RAD52: variants seen among roughly 807,000 people sequenced by gnomAD.
RAD52 encodes the protein DNA repair protein RAD52 homolog.
In RAD52, 47 loss-of-function variants were observed where a neutral mutation model predicts 55.5. The ratio of observed to expected loss-of-function variants is 0.85; its 90% CI spans 0.67 to 1.08. The LOEUF is 1.08. RAD52 is among the 50% of genes least tolerant of loss of function. The pLI is 0.00. For synonymous variants in RAD52, 184 were observed against 198.9 expected, an observed-to-expected ratio of 0.92 and a Z score of 0.63; for missense variants, 468 against 522.8, an observed-to-expected ratio of 0.90 and a Z score of 1.02.
chr12:918,553 G>A (rs1252286028), intron 7 of RAD52, among the ~76,000 whole-genome samples: 2 of 151,964 alleles, frequency 1.3e-5, no homozygotes, highest in Non-Finnish European at 1.5e-5. Flanking sequence ...CCACCACCAG[G>A]CCCAGCTAAT....
chr12:919,930 T>G (rs1956626316), intron 7 of RAD52, among the ~76,000 whole-genome samples: 1 of 117,018 alleles, frequency 8.5e-6, no homozygotes, highest in Admixed American at 8.3e-5. Flanking sequence ...CACACACCTG[T>G]AGTCCTAGCT....
At chr12:967,381 CAA>C (rs71055113) in intron 1 of RAD52, among the ~76,000 whole-genome samples, 4 of 138,180 alleles carry the variant, frequency 2.9e-5, no homozygotes, top group Non-Finnish European at 3.1e-5. Flanking sequence ...GACCTTGTCT[CAA>C]AAAAAAAAAA....
Position 913,405 on chromosome 12 carries a change from A to G in RAD52, c.1243T>C (p.Tyr415His). 1 of 1,607,618 alleles carries G rather than the reference A, an allele frequency of 6.2e-7. No individual in the cohort carries two copies. The highest frequency in any genetic ancestry group is 8.5e-7 in the Non-Finnish European group (1 of 1,174,218). ...RKSQDMKKRK[Y>H]DPS ...CTGAGCCTCAGTTAAGATGGATCAT[A>G]TTTCCTTTTCTTCATGTCCTGGCTC... The change falls in exon 12 of 12, where the codon TAT becomes CAT. Residue 415 changes from tyrosine to histidine, a missense_variant. Coordinates refer to ENST00000358495, the MANE Select transcript of RAD52 (RefSeq NM_134424.4).
intron 1 of RAD52, among the ~76,000 whole-genome samples, chr12:960,020 G>A (rs1958661642): frequency 6.6e-6 from 1 of 152,206 alleles, no homozygotes; most frequent in African/African-American, 2.4e-5. Flanking sequence ...ACAAGATGTA[G>A]GGAGGGAGGG....
At chr12:969,823 C>T (rs890198088) in intron 1 of RAD52, among the ~76,000 whole-genome samples, 20 of 151,142 alleles carry the variant, frequency 1.3e-4, no homozygotes, top group African/African-American at 4.1e-4. Flanking sequence ...TATGTGTATA[C>T]GATATTAAGA....
At chr12:951,581 T>C (rs1222397223), upstream of RAD52, among the ~76,000 whole-genome samples, 1 of 152,226 alleles carries the variant, frequency 6.6e-6, no homozygotes, top group Non-Finnish European at 1.5e-5. Flanking sequence ...TTTGGTAATT[T>C]GTGTCCTCTC....
chr12:982,565 C>G (rs1959031172), intron 1 of RAD52, among the ~76,000 whole-genome samples: 1 of 151,884 alleles, frequency 6.6e-6, no homozygotes, highest in African/African-American at 2.4e-5. Flanking sequence ...CCCGCACTTT[C>G]CGATAATATG....
chr12:978,591 A>C (rs949326541), intron 1 of RAD52, among the ~76,000 whole-genome samples: 1 of 152,136 alleles, frequency 6.6e-6, no homozygotes, highest in African/African-American at 2.4e-5. Context: ...GCCTGAGCTC[A>C]GGAGTTTGAG....
upstream of RAD52, among the ~76,000 whole-genome samples, chr12:953,617 T>C (rs1366887004): frequency 2.6e-5 from 4 of 152,208 alleles, no homozygotes; most frequent in Non-Finnish European, 5.9e-5. Flanking sequence ...CGTGCCAAGT[T>C]CTTTAATCTG....
intron 1 of RAD52, among the ~76,000 whole-genome samples, chr12:955,550 T>C (rs1958593796): frequency 6.6e-6 from 1 of 151,738 alleles, no homozygotes; most frequent in Admixed American, 6.6e-5. Context: ...CTCAACTCAC[T>C]GCAACCTCTG....
intron 1 of RAD52, among the ~76,000 whole-genome samples, chr12:987,361 T>C (rs903677370): frequency 2.9e-4 from 24 of 81,818 alleles, no homozygotes; most frequent in African/African-American, 5.4e-4. Context: ...ACATTTCACA[T>C]GGTTGAATTT....
rs1178966206 is a variant in RAD52 at position 927,171 on chromosome 12, C to G, written c.441G>C (p.Val147=). 1.2e-6 allele frequency: 2 copies of G among 1,614,144 alleles called. No individual in the cohort carries two copies. The highest frequency in any genetic ancestry group is 2.2e-5 in the South Asian group (2 of 91,090). ...TGAGGGCTCGCTTCAGCCCGTCTGT[C>G]ACCGCCTCCTTCCTTGCCTTCTCCA... is the stretch of plus-strand genomic sequence containing the variant. The part of the protein sequence containing the change: ...LSLEKARKEA[V]TDGLKRALRS... The change falls in exon 6 of 12, where the codon GTG becomes GTC. Residue 147 remains valine (V), a synonymous_variant. Coordinates refer to ENST00000358495, the MANE Select transcript of RAD52 (RefSeq NM_134424.4).
intron 1 of RAD52, among the ~76,000 whole-genome samples, chr12:939,695 G>A (rs1190757976): frequency 6.6e-6 from 1 of 152,214 alleles, no homozygotes; most frequent in Non-Finnish European, 1.5e-5. Context: ...TCAATTTCTT[G>A]TAGAGATGTT....
intron 1 of RAD52, among the ~76,000 whole-genome samples, chr12:958,300 C>T (rs1168179157): frequency 1.3e-5 from 2 of 152,208 alleles, no homozygotes; most frequent in Non-Finnish European, 2.9e-5. Flanking sequence ...ACTGCAAACT[C>T]GGCCTCCTGG....
chr12:968,233 CA>C (rs1432560628), intron 1 of RAD52, among the ~76,000 whole-genome samples: 3 of 152,064 alleles, frequency 2.0e-5, no homozygotes, highest in Non-Finnish European at 4.4e-5. Context: ...AGGCATTTAT[CA>C]AGACAAATGG....
At chr12:980,477 A>T (rs375619694) in intron 1 of RAD52, among the ~76,000 whole-genome samples, 25 of 151,292 alleles carry the variant, frequency 1.7e-4, no homozygotes, top group African/African-American at 5.3e-4. Context: ...TATTTTTAGT[A>T]GAGACGAGGT....
At chr12:946,633 C>G (rs528106830) in intron 1 of RAD52, among the ~76,000 whole-genome samples, 50 of 152,310 alleles carry the variant, frequency 3.3e-4, no homozygotes, top group African/African-American at 1.0e-3. Flanking sequence ...CACTTCTATT[C>G]TTGGAGGCCC....
chr12:947,693 C>T (rs1958318666), intron 1 of RAD52, among the ~76,000 whole-genome samples: 1 of 151,236 alleles, frequency 6.6e-6, no homozygotes, highest in African/African-American at 2.4e-5. Flanking sequence ...TCGAGACCAG[C>T]ATGGCCAACA....
chr12:947,052 C>T (rs1426506791), intron 1 of RAD52, among the ~76,000 whole-genome samples: 1 of 152,184 alleles, frequency 6.6e-6, no homozygotes, highest in African/African-American at 2.4e-5. Context: ...CCCAGAGGGG[C>T]GCAGTGGCTC....
Sources: allele counts gnomAD v4.1 joint callset (sites outside exome capture counted in the v4.1 genomes callset), GRCh38; gene constraint gnomAD v4.1.1; transcripts MANE v1.5; gene names NCBI Gene and HGNC (gene_info 2026-07-23, HGNC 2026-07-21).